Variants in FRMD4A observed in about 807,000 individuals in gnomAD.
The protein encoded by FRMD4A is FERM domain-containing protein 4A.
Under a neutral mutation model 129.1 loss-of-function variants are expected in FRMD4A, and 29 were observed. That is an observed-to-expected ratio of 0.22 (90% CI 0.17 to 0.31). The LOEUF (loss-of-function observed/expected upper bound fraction) is 0.31. Ranked by LOEUF, FRMD4A falls within the 10% of genes least tolerant of loss-of-function variation. The probability of loss-of-function intolerance (pLI) is 1.00; values close to 1 mark genes in which losing one functional copy is unlikely to be tolerated. For synonymous variants in FRMD4A, 634 were observed against 571.6 expected (o/e 1.11, Z -1.56); for missense variants, 1,272 against 1,375.8 (o/e 0.92, Z 1.19).
intron 3 of FRMD4A, among the ~76,000 whole-genome samples, chr10:13,820,381 G>A (rs2093611436): frequency 6.6e-6 from 1 of 152,134 alleles, no homozygotes; most frequent in Admixed American, 6.5e-5. Context: ...CTGTCCCTGT[G>A]GCACTCTGGG....
chr10:13,684,779 A>C (rs1217806319), intron 15 of FRMD4A: 2 of 984,838 alleles, frequency 2.0e-6, no homozygotes, highest in Non-Finnish European at 2.4e-6. Flanking sequence ...AGGAGGGGAA[A>C]CTTCAAAGCA....
intron 2 of FRMD4A, among the ~76,000 whole-genome samples, chr10:14,044,813 G>A (rs1833919528): frequency 6.6e-6 from 1 of 152,224 alleles, no homozygotes; most frequent in Non-Finnish European, 1.5e-5. Context: ...ATAGAACATT[G>A]TTTTCAACCA....
chr10:14,005,764 G>C (rs1391534666), intron 2 of FRMD4A, among the ~76,000 whole-genome samples: 1 of 152,130 alleles, frequency 6.6e-6, no homozygotes, highest in African/African-American at 2.4e-5. Flanking sequence ...CTCTGTCATT[G>C]ACTGTATATT....
At chr10:14,185,738 A>G (rs1385317537) in intron 2 of FRMD4A, among the ~76,000 whole-genome samples, 3 of 152,236 alleles carry the variant, frequency 2.0e-5, no homozygotes, top group Admixed American at 6.5e-5. Flanking sequence ...AGGGATGGCA[A>G]CAGCAGTAGA....
At chr10:13,864,792 G>C (rs973598424) in intron 2 of FRMD4A, among the ~76,000 whole-genome samples, 1 of 151,928 alleles carries the variant, frequency 6.6e-6, no homozygotes, top group South Asian at 2.1e-4. Context: ...GGCCAGGCTG[G>C]TCTCGAACTC....
At chr10:13,687,924 A>G (rs1469069168) in intron 15 of FRMD4A, among the ~76,000 whole-genome samples, 2 of 152,182 alleles carry the variant, frequency 1.3e-5, no homozygotes, top group African/African-American at 4.8e-5. Flanking sequence ...TCTGATTCAG[A>G]TGGTTCACCA....
rs2090928186 is a variant in FRMD4A at position 13,740,501 on chromosome 10, G to A, written c.614+11C>T. ...CACTGTCCCCATGTGAGCTGGGAAGGGGCCACTTACTTTACGATTGCTTGA... is the reference window on the plus strand; with the variant it reads ...CACTGTCCCCATGTGAGCTGGGAAGAGGCCACTTACTTTACGATTGCTTGA... On this transcript the variant is annotated intron_variant, in intron 10 of 24. Coordinates refer to ENST00000357447, the MANE Select transcript of FRMD4A (RefSeq NM_018027.5). 5 of 1,515,678 alleles carry A rather than the reference G, an allele frequency of 3.3e-6. No individual in the cohort carries two copies. The highest frequency in any genetic ancestry group is 4.5e-5 in the East Asian group (2 of 44,468). 93.9% of individuals were successfully genotyped at this position (1,515,678 alleles called of 1,614,324 possible).
chr10:13,793,050 T>C (rs1244867807), intron 5 of FRMD4A, among the ~76,000 whole-genome samples: 1 of 152,214 alleles, frequency 6.6e-6, no homozygotes, highest in Non-Finnish European at 1.5e-5. Flanking sequence ...CAGAAGAATA[T>C]ATAAATCCCA....
intron 2 of FRMD4A, among the ~76,000 whole-genome samples, chr10:14,225,791 G>C (rs563683385): frequency 2.0e-5 from 3 of 152,320 alleles, no homozygotes; most frequent in Non-Finnish European, 4.4e-5. Context: ...ATGTGTATCT[G>C]TTCTACCTGC....
intron 2 of FRMD4A, among the ~76,000 whole-genome samples, chr10:14,158,038 G>A (rs924991244): frequency 6.6e-6 from 1 of 152,128 alleles, no homozygotes; most frequent in Non-Finnish European, 1.5e-5. Flanking sequence ...AGCAATACTA[G>A]AGTAAAACTT....
chr10:14,136,278 G>A (rs566802225), intron 2 of FRMD4A, among the ~76,000 whole-genome samples: 32 of 152,212 alleles, frequency 2.1e-4, no homozygotes, highest in South Asian at 1.2e-3. Flanking sequence ...TCCTAAATAT[G>A]ACAACTACAA....
intron 2 of FRMD4A, among the ~76,000 whole-genome samples, chr10:14,036,875 C>T (rs953762549): frequency 2.6e-5 from 4 of 152,124 alleles, no homozygotes; most frequent in East Asian, 1.9e-4. Flanking sequence ...CATGCTCCAC[C>T]GTGCCCAGTT....
chr10:13,890,701 A>G (rs913521940), intron 2 of FRMD4A: 4 of 985,094 alleles, frequency 4.1e-6, no homozygotes, highest in Non-Finnish European at 3.6e-6. Flanking sequence ...TGCTCCATTC[A>G]TAGGGGAGCC....
intron 2 of FRMD4A, among the ~76,000 whole-genome samples, chr10:14,316,401 C>A (rs1846739515): frequency 6.6e-6 from 1 of 151,330 alleles, no homozygotes; most frequent in Non-Finnish European, 1.5e-5. Flanking sequence ...AAGGGCCTCC[C>A]CAGATGCCCA....
chr10:14,035,024 A>T (rs1249186022), intron 2 of FRMD4A, among the ~76,000 whole-genome samples: 4 of 152,214 alleles, frequency 2.6e-5, no homozygotes, highest in Non-Finnish European at 5.9e-5. Flanking sequence ...CCAGACTTTG[A>T]GTAATATGAA....
In FRMD4A at chr10:13,666,225, A is replaced by T; in HGVS notation, c.1475T>A (p.Leu492Gln). The T allele has an allele frequency of 6.2e-7, 1 of 1,613,804 alleles. No individual in the cohort carries two copies. Among genetic ancestry groups the T allele is most frequent in the Admixed American group, 1.7e-5 (1 of 60,004 alleles). Residue 492 changes from leucine to glutamine, a missense_variant, in exon 18 of 25, where the codon CTG becomes CAG. Physicochemically the swap from Leu to Gln is moderately radical, Grantham distance 113. This residue lies in a region of FRMD4A where 972 missense variants were observed against 892.3 expected (regional missense o/e 1.09). Transcript: ENST00000357447. ...ATACGAGGTTTTCCTTTGTTTCTTC[A>T]GTTTTTTGCTGACGTTGGGGTCACT... Reference protein sequence around the residue: ...LASDPNVSKKLKKQRKTSYLN... With the variant: ...LASDPNVSKKQKKQRKTSYLN...
chr10:14,053,787 G>T (rs982993128), intron 2 of FRMD4A, among the ~76,000 whole-genome samples: 1 of 152,112 alleles, frequency 6.6e-6, no homozygotes, highest in Non-Finnish European at 1.5e-5. Context: ...GGGAGGCCGA[G>T]GTGAGGTAAG....
At chr10:14,326,609 G>A (rs1397485299) in intron 2 of FRMD4A, 6 of 386,078 alleles carry the variant, frequency 1.6e-5, no homozygotes, top group Non-Finnish European at 2.3e-5. Flanking sequence ...TAGCTGTCCT[G>A]AAGGTGAGCC....
intron 2 of FRMD4A, among the ~76,000 whole-genome samples, chr10:13,963,195 T>C (rs2131364256): frequency 6.7e-6 from 1 of 150,242 alleles, no homozygotes; most frequent in Middle Eastern, 3.5e-3. Context: ...TGAAAAAAAC[T>C]AAAACAAACA....
Sources: gnomAD v4.1 joint callset for allele counts (sites outside exome capture counted in the v4.1 genomes callset) on GRCh38, gnomAD v4.1.1 for gene constraint, gnomAD v4.1.1 regional missense constraint, MANE v1.5 for transcripts, NCBI Gene and HGNC (gene_info 2026-07-23, HGNC 2026-07-21) for gene names.